GRIK4: variants seen among roughly 807,000 people sequenced by gnomAD.
GRIK4 encodes the protein glutamate ionotropic receptor kainate type subunit 4, also known as glutamate receptor ionotropic, kainate 4.
A neutral mutation model predicts 104.9 loss-of-function variants in GRIK4; 40 were observed. The observed-to-expected ratio is 0.38, with a 90% CI of 0.30 to 0.50. GRIK4 has a LOEUF of 0.50. Among genes scored for constraint, GRIK4 ranks in the 20% least tolerant of loss-of-function variants. GRIK4 has a pLI of 0.93. For missense variants in GRIK4, 1,047 were observed against 1,308.1 expected (o/e 0.80, Z 3.08); for synonymous variants, 485 against 524.9 (o/e 0.92, Z 1.04).
At position 120,940,816 on chromosome 11, in the gene GRIK4, A is replaced by G. The variant is rs934649693; in HGVS notation, c.1590+356A>G. ...CTAGCATTTCTCAAGCACGTTGCCA[A>G]CTTCCAAGTCTGTGTTCACTTCTAG... On this transcript the variant is annotated intron_variant, in intron 14 of 20. Coordinates refer to ENST00000527524, the MANE Select transcript of GRIK4 (RefSeq NM_014619.5). The surrounding 1 kb of genome is among the most constrained non-coding windows in gnomAD (Gnocchi z 4.3). 6.6e-6 allele frequency among the ~76,000 whole-genome samples: 1 copy of G among 152,202 alleles called. No homozygotes were observed. Among genetic ancestry groups the G allele is most frequent in the Non-Finnish European group, 1.5e-5 (1 of 68,032 alleles).
At chr11:120,744,406 A>G (rs1468021081) in intron 3 of GRIK4, among the ~76,000 whole-genome samples, 2 of 152,008 alleles carry the variant, frequency 1.3e-5, no homozygotes, top group East Asian at 3.9e-4. Flanking sequence ...CATATGTTAT[A>G]CTTTGGGGTT....
intron 8 of GRIK4, among the ~76,000 whole-genome samples, chr11:120,854,140 A>G (rs143223007): frequency 8.6e-4 from 131 of 152,360 alleles, no homozygotes; most frequent in African/African-American, 3.0e-3. Flanking sequence ...TGATGTTATT[A>G]TACTCAGTAA....
At chr11:120,968,371 A>T (rs1310212384) in intron 19 of GRIK4, among the ~76,000 whole-genome samples, 1 of 151,872 alleles carries the variant, frequency 6.6e-6, no homozygotes, top group African/African-American at 2.4e-5. Flanking sequence ...CATATCTACT[A>T]CTCCATCTAC....
chr11:120,897,601 C>CACAAAAAAAAAAAAAA (rs1942617819), intron 11 of GRIK4, among the ~76,000 whole-genome samples: 1 of 13,066 alleles, frequency 7.7e-5, no homozygotes, highest in African/African-American at 1.8e-4. Context: ...GACTCCTTCT[C>CACAAAAAAAAAAAAAA]AAAAAAAAAA....
chr11:120,833,806 TC>T (rs964991150), intron 7 of GRIK4, among the ~76,000 whole-genome samples: 2 of 147,130 alleles, frequency 1.4e-5, no homozygotes, highest in African/African-American at 2.5e-5. Flanking sequence ...GACACATTTT[TC>T]CCCCAAATTA....
rs1428809527 is a variant in GRIK4 at position 120,956,397 on chromosome 11, T to A, written c.1701-383T>A. 6.6e-6 allele frequency among the ~76,000 whole-genome samples: 1 copy of A among 151,798 alleles called. No individual in the cohort carries two copies. Among genetic ancestry groups the A allele is most frequent in the Non-Finnish European group, 1.5e-5 (1 of 67,946 alleles). ...TTTTGTATTTTTTAGTAGAGACGGGTTTTCGCTGTGTTGCCCAGGCTGGTC... is the reference window on the plus strand; with the variant it reads ...TTTTGTATTTTTTAGTAGAGACGGGATTTCGCTGTGTTGCCCAGGCTGGTC... On this transcript the variant is annotated intron_variant, in intron 15 of 20. Transcript: ENST00000527524. The surrounding 1 kb of genome is among the most constrained non-coding windows in gnomAD (Gnocchi z 4.6).
At chr11:120,667,579 A>G (rs1264111664) in intron 3 of GRIK4, among the ~76,000 whole-genome samples, 3 of 152,178 alleles carry the variant, frequency 2.0e-5, no homozygotes, top group South Asian at 2.1e-4. Context: ...CACGTTCCCT[A>G]TCAGCTTTAC....
At chr11:120,950,408 G>A (rs1192395869) in intron 14 of GRIK4, among the ~76,000 whole-genome samples, 1 of 152,108 alleles carries the variant, frequency 6.6e-6, no homozygotes, top group Non-Finnish European at 1.5e-5. Flanking sequence ...TTTAAATAGT[G>A]CTGTCATTTT....
chr11:120,897,601 CA>C (rs56807699), intron 11 of GRIK4, among the ~76,000 whole-genome samples: 22 of 13,050 alleles, frequency 1.7e-3, no homozygotes, highest in Admixed American at 4.7e-3. Context: ...GACTCCTTCT[CA>C]AAAAAAAAAA....
chr11:120,652,190 A>C (rs1300464716), intron 1 of GRIK4, among the ~76,000 whole-genome samples: 1 of 152,234 alleles, frequency 6.6e-6, no homozygotes, highest in Non-Finnish European at 1.5e-5. Context: ...GTAAATATTC[A>C]ATAAAGATTA....
chr11:120,747,311 T>C (rs1951459861), intron 3 of GRIK4, among the ~76,000 whole-genome samples: 1 of 152,212 alleles, frequency 6.6e-6, no homozygotes, highest in Non-Finnish European at 1.5e-5. Flanking sequence ...GCTGATTAAC[T>C]GCACGTCCCA....
rs1205285819 is a variant in GRIK4, at chr11:120,928,988, T to TGTGTGC, written c.1477-11358_1477-11357insTGTGCG. 5.7e-3 allele frequency among the ~76,000 whole-genome samples: 672 copies of TGTGTGC among 118,580 alleles called. 4 individuals are homozygous for TGTGTGC. The highest frequency in any genetic ancestry group is 0.017 in the African/African-American group (616 of 37,210). 77.8% of individuals were successfully genotyped at this position (118,580 alleles called of 152,430 possible). On this transcript the variant is annotated intron_variant, in intron 13 of 20. Coordinates refer to ENST00000527524, the MANE Select transcript of GRIK4 (RefSeq NM_014619.5). ...GTGTGTGTGTGTGTGTGTGTGTGTG[T>TGTGTGC]GCGCGCGTGCACGCGTGTATGTGTG...
intron 1 of GRIK4, among the ~76,000 whole-genome samples, chr11:120,528,042 C>A (rs1591675394): frequency 6.6e-6 from 1 of 152,272 alleles, no homozygotes; most frequent in Middle Eastern, 3.2e-3. Context: ...GGGCTCACTG[C>A]AGCCTCGATC....
rs1385668878 is a variant in GRIK4, at chr11:120,742,464, T to A, written c.83-60229T>A. The stretch of plus-strand genomic sequence containing the variant: ...TCAGTGATCTTTAGAGAAATGTAAA[T>A]CAAAACCACGAGATACCATCTCACA... On this transcript the variant is annotated intron_variant, in intron 3 of 20. Coordinates refer to ENST00000527524, the MANE Select transcript of GRIK4 (RefSeq NM_014619.5). Among the ~76,000 whole-genome samples, 4 of 150,950 alleles carry A rather than the reference T, an allele frequency of 2.6e-5. No homozygotes were observed. The South Asian group carries it at 6.2e-4, about 24-fold the overall frequency.
intron 3 of GRIK4, among the ~76,000 whole-genome samples, chr11:120,750,388 G>A (rs1267525410): frequency 8.2e-6 from 1 of 122,666 alleles, no homozygotes; most frequent in East Asian, 2.4e-4. Context: ...GGCTGGGGAT[G>A]TAGAGTCTCG....
Position 120,549,774 on chromosome 11 carries a change from A to G in GRIK4, c.-159+37887A>G, listed in dbSNP as rs779094563. Among the ~76,000 whole-genome samples the G allele has an allele frequency of 6.6e-6, 1 of 152,096 alleles. No homozygotes were observed. The highest frequency in any genetic ancestry group is 1.5e-5 in the Non-Finnish European group (1 of 68,022). On this transcript the variant is annotated intron_variant, in intron 1 of 20. Transcript: ENST00000527524. This position sits in a 1 kb window ranked among gnomAD's most constrained non-coding sequence, Gnocchi z 4.7. ...AGGGGACACAATGGAATCCTCAAGG[A>G]GGACAGAGCCCCTAGGGACCAAGGA...
At chr11:120,934,204 C>CA (rs35705174) in intron 13 of GRIK4, among the ~76,000 whole-genome samples, 653 of 54,186 alleles carry the variant, frequency 0.012, 70 homozygotes, top group African/African-American at 0.021. Flanking sequence ...GACTCCGTCT[C>CA]AAAAAAAAAA....
intron 1 of GRIK4, among the ~76,000 whole-genome samples, chr11:120,554,788 G>T (rs1948172355): frequency 6.6e-6 from 1 of 152,076 alleles, no homozygotes; most frequent in African/African-American, 2.4e-5. Flanking sequence ...CGAACTCCTG[G>T]TCTCAAGTGA....
At chr11:120,756,246 A>T (rs2135432262) in intron 3 of GRIK4, among the ~76,000 whole-genome samples, 1 of 152,334 alleles carries the variant, frequency 6.6e-6, no homozygotes, top group Middle Eastern at 3.4e-3. Context: ...GTGTGTGCCC[A>T]CGCTATATAC....
Sources: allele counts gnomAD v4.1 joint callset (sites outside exome capture counted in the v4.1 genomes callset), GRCh38; gene constraint gnomAD v4.1.1; non-coding constraint Gnocchi (gnomAD v3.1); transcripts MANE v1.5; gene names NCBI Gene and HGNC (gene_info 2026-07-23, HGNC 2026-07-21).